Variants in CNBD1 observed in about 807,000 individuals in gnomAD.
The protein encoded by CNBD1 is cyclic nucleotide-binding domain-containing protein 1.
A neutral mutation model predicts 54.4 loss-of-function variants in CNBD1; 71 were observed. That is an observed-to-expected ratio of 1.30 (90% CI 1.08 to 1.59). The LOEUF is 1.59. Ranked by LOEUF, CNBD1 falls within the 40% of genes most tolerant of loss-of-function variation. The pLI is 0.00. For missense variants in CNBD1, 659 were observed against 518.0 expected, an observed-to-expected ratio of 1.27 and a Z score of -2.64; for synonymous variants, 182 against 170.7, an observed-to-expected ratio of 1.07 and a Z score of -0.51.
intron 4 of CNBD1, among the ~76,000 whole-genome samples, chr8:87,063,970 A>G (rs1429463317): frequency 6.6e-6 from 1 of 151,888 alleles, no homozygotes; most frequent in Non-Finnish European, 1.5e-5. Flanking sequence ...ACTTTGCTAA[A>G]CTCACTTGTT....
chr8:87,055,533 G>T (rs1433747074), intron 4 of CNBD1, among the ~76,000 whole-genome samples: 1 of 151,940 alleles, frequency 6.6e-6, no homozygotes, highest in Admixed American at 6.6e-5. Context: ...ATTACACAAA[G>T]AACAAAAGGC....
intron 2 of CNBD1, among the ~76,000 whole-genome samples, chr8:87,395,940 G>A (rs1267687854): frequency 1.3e-5 from 2 of 151,892 alleles, no homozygotes; most frequent in African/African-American, 2.4e-5. Flanking sequence ...GCCGCCATGT[G>A]AAGAATGACA....
chr8:87,161,966 A>G (rs572297716), intron 4 of CNBD1, among the ~76,000 whole-genome samples: 1 of 152,214 alleles, frequency 6.6e-6, no homozygotes, highest in East Asian at 1.9e-4. Flanking sequence ...ACTAAAGACA[A>G]AAATATGATG....
intron 10 of CNBD1, among the ~76,000 whole-genome samples, chr8:87,377,546 C>A (rs1381710277): frequency 6.6e-6 from 1 of 151,872 alleles, no homozygotes; most frequent in Non-Finnish European, 1.5e-5. Flanking sequence ...TTAATCCAGT[C>A]TATCATTGTT....
chr8:87,371,230 T>A (rs1810785171), intron 10 of CNBD1, among the ~76,000 whole-genome samples: 1 of 152,062 alleles, frequency 6.6e-6, no homozygotes. Context: ...TGGTTCCATA[T>A]GAACTTTAAA....
intron 5 of CNBD1, among the ~76,000 whole-genome samples, chr8:87,228,871 T>G (rs1048109861): frequency 2.0e-5 from 3 of 152,198 alleles, no homozygotes; most frequent in Admixed American, 6.5e-5. Flanking sequence ...GATCTCAGAC[T>G]GCTATGCTAG....
downstream of CNBD1, among the ~76,000 whole-genome samples, chr8:87,386,520 G>T (rs1238342859): frequency 1.3e-5 from 2 of 152,090 alleles, no homozygotes; most frequent in Non-Finnish European, 2.9e-5. Flanking sequence ...ATCAGTGATT[G>T]AAGATCAAAT....
At chr8:86,889,565 G>C (rs747408367) in intron 2 of CNBD1, among the ~76,000 whole-genome samples, 1 of 152,026 alleles carries the variant, frequency 6.6e-6, no homozygotes, top group Non-Finnish European at 1.5e-5. Context: ...CTCACAAAGG[G>C]CATTAGTTTT....
chr8:87,010,597 A>G (rs189095549), intron 4 of CNBD1, among the ~76,000 whole-genome samples: 15 of 152,162 alleles, frequency 9.9e-5, no homozygotes, highest in African/African-American at 3.6e-4. Context: ...AAAATACAAA[A>G]ATCCAGGCCT....
chr8:86,914,110 T>G (rs553920098), intron 3 of CNBD1, among the ~76,000 whole-genome samples: 1 of 152,314 alleles, frequency 6.6e-6, no homozygotes, highest in African/African-American at 2.4e-5. Context: ...AGATTTGTTA[T>G]TGTTCAAACA....
chr8:87,392,336 T>A, intron 2 of CNBD1, among the ~76,000 whole-genome samples: 1 of 151,984 alleles, frequency 6.6e-6, no homozygotes, highest in East Asian at 1.9e-4. Context: ...CATATGTACA[T>A]GCAAAATCTT....
intron 3 of CNBD1, among the ~76,000 whole-genome samples, chr8:86,935,199 C>A (rs1347046191): frequency 6.6e-6 from 1 of 152,002 alleles, no homozygotes; most frequent in Non-Finnish European, 1.5e-5. Flanking sequence ...CCATGCCTGG[C>A]TAATTTTTTT....
At chr8:87,145,400 C>T (rs949124065) in intron 4 of CNBD1, among the ~76,000 whole-genome samples, 4 of 152,038 alleles carry the variant, frequency 2.6e-5, no homozygotes, top group African/African-American at 9.7e-5. Context: ...CAACATTTAA[C>T]ACATGTTAAC....
chr8:87,394,148 T>C (rs1052864621), intron 2 of CNBD1, among the ~76,000 whole-genome samples: 1 of 151,882 alleles, frequency 6.6e-6, no homozygotes, highest in African/African-American at 2.4e-5. Context: ...CATAGAATAT[T>C]TTATGAGCAT....
At chr8:87,073,602 G>A (rs1366787560) in intron 4 of CNBD1, among the ~76,000 whole-genome samples, 1 of 152,102 alleles carries the variant, frequency 6.6e-6, no homozygotes. Flanking sequence ...CCAGACCATA[G>A]TTGCCTTAGT....
rs1808939800 is a variant in CNBD1, at chr8:87,299,281, C to T, written c.1042+12610C>T. On this transcript the variant is annotated intron_variant, in intron 8 of 10. Coordinates refer to ENST00000518476, the MANE Select transcript of CNBD1 (RefSeq NM_173538.3). ...TTCCTCTCCTTCCACATTTTCTCCC[C>T]TGTCCCTTCTCCTGGCCATGCTTCT... 2.0e-5 allele frequency among the ~76,000 whole-genome samples: 3 copies of T among 152,268 alleles called. No homozygotes were observed. The South Asian group carries it at 6.2e-4, about 32-fold the overall frequency.
chr8:86,894,744 A>G (rs944231498), intron 2 of CNBD1, among the ~76,000 whole-genome samples: 1 of 152,050 alleles, frequency 6.6e-6, no homozygotes, highest in South Asian at 2.1e-4. Flanking sequence ...CTCTGTTTCC[A>G]TAATTTTGCC....
intron 4 of CNBD1, among the ~76,000 whole-genome samples, chr8:86,959,671 A>C (rs1391901611): frequency 6.6e-6 from 1 of 152,088 alleles, no homozygotes; most frequent in East Asian, 1.9e-4. Flanking sequence ...TGCATCACAT[A>C]GTTCTTGTGC....
At chr8:87,203,093 T>C (rs896379196) in intron 4 of CNBD1, among the ~76,000 whole-genome samples, 1 of 152,212 alleles carries the variant, frequency 6.6e-6, no homozygotes, top group Non-Finnish European at 1.5e-5. Flanking sequence ...AGTAAGTTAT[T>C]TAACAATTCT....
Sources: allele counts gnomAD v4.1 joint callset (sites outside exome capture counted in the v4.1 genomes callset), GRCh38; gene constraint gnomAD v4.1.1; transcripts MANE v1.5; gene names NCBI Gene and HGNC (gene_info 2026-07-23, HGNC 2026-07-21).